TMEM184B: variants seen among roughly 807,000 people sequenced by gnomAD.
The protein encoded by TMEM184B is transmembrane protein 184B, also known as putative MAPK-activating protein FM08.
TMEM184B carries 17 observed loss-of-function variants against 41.8 expected under a neutral mutation model. The observed-to-expected ratio is 0.41, with a 90% CI of 0.28 to 0.61. TMEM184B has a LOEUF of 0.61. Ranked by LOEUF, TMEM184B falls within the 20% of genes least tolerant of loss-of-function variation. The pLI, the probability that TMEM184B is intolerant of heterozygous loss-of-function variation, is 0.34. For synonymous variants in TMEM184B, 240 were observed against 229.5 expected, an observed-to-expected ratio of 1.05 and a Z score of -0.41; for missense variants, 393 against 557.8, an observed-to-expected ratio of 0.70 and a Z score of 2.98.
intron 1 of TMEM184B, among the ~76,000 whole-genome samples, chr22:38,251,896 G>GT (rs561046707): frequency 0.21 from 29,176 of 141,476 alleles, 3,482 homozygotes; most frequent in African/African-American, 0.33. Context: ...AGATGATGCT[G>GT]TTTTTTTTTT....
chr22:38,269,766 C>T (rs1329415590), intron 1 of TMEM184B, among the ~76,000 whole-genome samples: 2 of 152,160 alleles, frequency 1.3e-5, no homozygotes, highest in African/African-American at 4.8e-5. Flanking sequence ...GTGGGGCAGA[C>T]ACCGTTACAA....
chr22:38,248,076 A>G, intron 1 of TMEM184B, 57 bp from the exon 2 acceptor site: 1 of 1,462,008 alleles, frequency 6.8e-7, no homozygotes, highest in Admixed American at 2.4e-5. Context: ...CAGCATTGGA[A>G]AGAATCTTCC....
chr22:38,257,837 C>T (rs1033962760), intron 1 of TMEM184B, among the ~76,000 whole-genome samples: 2 of 152,110 alleles, frequency 1.3e-5, no homozygotes, highest in Non-Finnish European at 2.9e-5. Context: ...CTGTGTGATC[C>T]AAGGAAGTTT....
In TMEM184B at chr22:38,256,746, C is replaced by T. The variant is rs550622210; in HGVS notation, c.-58-8727G>A. ...TGAGCTTTAACGGTTAGCAACACTGCGCAATCTTGTTGCATCTTTCCCTGT... is the reference window on the plus strand; with the variant it reads ...TGAGCTTTAACGGTTAGCAACACTGTGCAATCTTGTTGCATCTTTCCCTGT... On this transcript the variant is annotated intron_variant, in intron 1 of 8. Transcript: ENST00000361906. 7.2e-5 allele frequency among the ~76,000 whole-genome samples: 11 copies of T among 152,298 alleles called. No homozygotes were observed. The South Asian group carries it at 1.4e-3, about 20-fold the overall frequency.
rs1460853273 is a variant in TMEM184B, at chr22:38,247,948, C to T, written c.14G>A (p.Gly5Glu). 1 of 1,583,148 alleles carries T rather than the reference C, an allele frequency of 6.3e-7. No individual in the cohort carries two copies. Among genetic ancestry groups the T allele is most frequent in the African/African-American group, 1.3e-5 (1 of 74,730 alleles). Residue 5 changes from glycine (G) to glutamate (E), a missense_variant, in exon 2 of 9, where the codon GGG becomes GAG. Around this residue, in one of 2 missense-constraint regions of TMEM184B, gnomAD observed 122 missense variants for 123.7 expected, o/e 0.99. Coordinates refer to ENST00000361906, the MANE Select transcript of TMEM184B (RefSeq NM_012264.5). Reference sequence around the variant, plus strand: ...CGCTGGATCCGGGGCCAGCACATCCCCCCTCACTGTCATGGTGCCTGGCAG... The same window carrying T: ...CGCTGGATCCGGGGCCAGCACATCCTCCCTCACTGTCATGGTGCCTGGCAG... MTVR[G>E]DVLAPDPASP... is the part of the protein sequence containing the mutation.
intron 1 of TMEM184B, among the ~76,000 whole-genome samples, chr22:38,265,534 AC>A (rs2145780964): frequency 6.6e-6 from 1 of 151,510 alleles, no homozygotes; most frequent in South Asian, 2.1e-4. Flanking sequence ...TAGGCAATTC[AC>A]CCCTCTGAGC....
Position 38,225,763 on chromosome 22 carries a change from G to A in TMEM184B, c.618-170C>T, listed in dbSNP as rs1293152914. On this transcript the variant is annotated intron_variant, in intron 6 of 8. Transcript: ENST00000361906. The surrounding 1 kb of genome is among the most constrained non-coding windows in gnomAD (Gnocchi z 4.4). Reference sequence around the variant, plus strand: ...GATCAAAGCGACAGACAGGGGTGGGGGTACATGGGGTGCGCCTGCAGGCCA... The same window carrying A: ...GATCAAAGCGACAGACAGGGGTGGGAGTACATGGGGTGCGCCTGCAGGCCA... Among the ~76,000 whole-genome samples, 1 of 152,152 alleles carries A rather than the reference G, an allele frequency of 6.6e-6. No individual in the cohort carries two copies. Among genetic ancestry groups the A allele is most frequent in the Non-Finnish European group, 1.5e-5 (1 of 68,024 alleles).
chr22:38,265,121 T>G (rs1044465747), intron 1 of TMEM184B, among the ~76,000 whole-genome samples: 1 of 152,190 alleles, frequency 6.6e-6, no homozygotes, highest in Admixed American at 6.5e-5. Context: ...GGACCCCACA[T>G]GCTCTGGGAA....
chr22:38,268,974 C>A (rs1364923140), intron 1 of TMEM184B, among the ~76,000 whole-genome samples: 1 of 152,268 alleles, frequency 6.6e-6, no homozygotes, highest in Admixed American at 6.5e-5. Context: ...TGAGCTCCAT[C>A]AGACATTGGT....
At chr22:38,234,415 T>C (rs2091717527) in intron 3 of TMEM184B, among the ~76,000 whole-genome samples, 1 of 152,124 alleles carries the variant, frequency 6.6e-6, no homozygotes, top group Non-Finnish European at 1.5e-5. Flanking sequence ...TGCCCCAGCC[T>C]TCACGCTCTC....
downstream of TMEM184B, among the ~76,000 whole-genome samples, chr22:38,217,242 T>TG (rs1235275436): frequency 6.6e-6 from 1 of 150,664 alleles, no homozygotes; most frequent in Non-Finnish European, 1.5e-5. Flanking sequence ...CCCAGCACTT[T>TG]GGGAGGCTGA....
intron 3 of TMEM184B, among the ~76,000 whole-genome samples, chr22:38,242,276 T>A (rs1393280107): frequency 2.0e-5 from 3 of 147,126 alleles, no homozygotes; most frequent in Non-Finnish European, 4.5e-5. Context: ...AAGACCAGCC[T>A]AGGCAACACG....
Position 38,222,671 on chromosome 22 carries a change from G to A in TMEM184B, c.983-961C>T, listed in dbSNP as rs560090633. On this transcript the variant is annotated intron_variant, in intron 8 of 8. Coordinates refer to ENST00000361906, the MANE Select transcript of TMEM184B (RefSeq NM_012264.5). Reference sequence around the variant, plus strand: ...AGGGCCGTATGTTGGCACTGCCCGCGGCCAAACCCCGGGCAAAAGCAGGGC... The same window carrying A: ...AGGGCCGTATGTTGGCACTGCCCGCAGCCAAACCCCGGGCAAAAGCAGGGC... 26 of 985,594 alleles carry A rather than the reference G, an allele frequency of 2.6e-5. No individual in the cohort carries two copies. The East Asian group carries it at 2.0e-3, about 77-fold the overall frequency. The allele number at this position is 985,594 out of a possible 1,614,324, so 61.1% of individuals were successfully genotyped here. A position where few individuals can be genotyped will look rare whatever the true frequency, so the allele number is the denominator to read the frequency against.
At chr22:38,250,637 G>T (rs889205341) in intron 1 of TMEM184B, among the ~76,000 whole-genome samples, 1 of 152,168 alleles carries the variant, frequency 6.6e-6, no homozygotes. Flanking sequence ...GGGGAATTGT[G>T]GGGGGACCAA....
chr22:38,221,861 G>T, intron 8 of TMEM184B, 151 bp from the exon 9 acceptor site: 1 of 1,160,650 alleles, frequency 8.6e-7, no homozygotes. Context: ...ATGGGGTCCA[G>T]GATATGAGAA....
At chr22:38,255,835 A>G (rs1267852218) in intron 1 of TMEM184B, among the ~76,000 whole-genome samples, 1 of 152,202 alleles carries the variant, frequency 6.6e-6, no homozygotes, top group African/African-American at 2.4e-5. Flanking sequence ...CAAAGCTATA[A>G]AGATGGAGCA....
intron 3 of TMEM184B, among the ~76,000 whole-genome samples, chr22:38,234,567 T>C (rs1249392194): frequency 6.6e-6 from 1 of 152,220 alleles, no homozygotes; most frequent in Non-Finnish European, 1.5e-5. Context: ...TGCACAGCCA[T>C]GGTAAGTGGA....
Position 38,247,920 on chromosome 22 carries a change from C to T in TMEM184B, c.42G>A (p.Ser14=), listed in dbSNP as rs765910270. 88 of 1,600,572 alleles carry T rather than the reference C, an allele frequency of 5.5e-5. No homozygotes were observed. Among genetic ancestry groups the T allele is most frequent in the Non-Finnish European group, 6.5e-5 (77 of 1,176,518 alleles). Residue 14 remains serine, a synonymous_variant, in exon 2 of 9, where the codon TCG becomes TCA. Transcript: ENST00000361906. The part of the protein sequence containing the change: ...RGDVLAPDPA[S]PTTAAASPSV... ...TGGGCGAGGCTGCTGCGGTCGTGGG[C>T]GACGCTGGATCCGGGGCCAGCACAT...
intron 5 of TMEM184B, among the ~76,000 whole-genome samples, chr22:38,228,182 C>A (rs2091500689): frequency 1.3e-5 from 2 of 152,182 alleles, no homozygotes; most frequent in Admixed American, 6.5e-5. Context: ...TCTCAGAAAG[C>A]CCCACAGAAC....
Sources: allele counts gnomAD v4.1 joint callset (sites outside exome capture counted in the v4.1 genomes callset), GRCh38; gene constraint gnomAD v4.1.1; regional missense constraint gnomAD v4.1.1; non-coding constraint Gnocchi (gnomAD v3.1); transcripts MANE v1.5; gene names NCBI Gene and HGNC (gene_info 2026-07-23, HGNC 2026-07-21).